TTC38: variants seen among roughly 807,000 people sequenced by gnomAD.
TTC38 encodes the protein tetratricopeptide repeat protein 38.
TTC38 carries 64 observed loss-of-function variants against 64.2 expected under a neutral mutation model. That is an observed-to-expected ratio of 1.00 (90% confidence interval 0.81 to 1.23). The LOEUF (loss-of-function observed/expected upper bound fraction) is 1.23, where lower values mean the gene tolerates loss of function less well. Among genes scored for constraint, TTC38 ranks in the 50% most tolerant of loss-of-function variants. The pLI, the probability that TTC38 is intolerant of heterozygous loss-of-function variation, is 0.00. For missense variants in TTC38, 573 were observed against 615.5 expected (o/e 0.93, Z 0.73); for synonymous variants, 254 against 249.3 (o/e 1.02, Z -0.18).
chr22:46,268,643 G>C (rs1384042279), intron 2 of TTC38, 52 bp downstream of exon 2: 2 of 1,547,898 alleles, frequency 1.3e-6, no homozygotes, highest in South Asian at 2.2e-5. Flanking sequence ...CTAGGGGAAG[G>C]TTTTTTAATT....
intron 5 of TTC38, among the ~76,000 whole-genome samples, chr22:46,277,765 C>A (rs1004789975): frequency 2.0e-5 from 3 of 152,194 alleles, no homozygotes; most frequent in Admixed American, 6.5e-5. Flanking sequence ...CGGCCATTCA[C>A]TGAGTGCATT....
chr22:46,269,949 T>A (rs1473710882), intron 2 of TTC38, among the ~76,000 whole-genome samples: 1 of 152,188 alleles, frequency 6.6e-6, no homozygotes, highest in Non-Finnish European at 1.5e-5. Flanking sequence ...CGCACCATCA[T>A]ACCCAGCTGA....
At chr22:46,268,094 C>G in intron 1 of TTC38, 22 bp downstream of exon 1, 1 of 1,536,516 alleles carries the variant, frequency 6.5e-7, no homozygotes. Context: ...CTGCCCCCAA[C>G]CAGGTCCCCC....
At position 46,273,902 on chromosome 22, in the gene TTC38, G is replaced by A; in HGVS notation, c.198G>A (p.Met66Ile). ...CGTTCTCTAACCTCCCACCAGTGATGGGCCACGCCATGGCTACTGGCCTTG... is the reference window on the plus strand; with the variant it reads ...CGTTCTCTAACCTCCCACCAGTGATAGGCCACGCCATGGCTACTGGCCTTG... ...KLKAADPTFV[M>I]GHAMATGLVL... The change falls in exon 4 of 14, where the codon ATG becomes ATA. Residue 66 changes from methionine (M) to isoleucine (I), a missense_variant. This residue lies in a region of TTC38 where 134 missense variants were observed against 126.5 expected (regional missense o/e 1.06). Transcript: ENST00000381031. This position sits in a 1 kb window ranked among gnomAD's most constrained non-coding sequence, Gnocchi z 5.1. 1 of 1,614,154 alleles carries A rather than the reference G, an allele frequency of 6.2e-7. No homozygotes were observed. The highest frequency in any genetic ancestry group is 8.5e-7 in the Non-Finnish European group (1 of 1,180,010).
chr22:46,277,997 C>T (rs557814393), intron 5 of TTC38, among the ~76,000 whole-genome samples: 80 of 152,208 alleles, frequency 5.3e-4, no homozygotes, highest in Admixed American at 9.2e-4. Context: ...GGCCGCTCTC[C>T]GTGCTGGGCT....
intron 13 of TTC38, among the ~76,000 whole-genome samples, chr22:46,290,451 C>A (rs996116454): frequency 7.5e-6 from 1 of 133,914 alleles, no homozygotes; most frequent in African/African-American, 2.5e-5. Flanking sequence ...TTTAGCCAGG[C>A]CAGGCATGGG....
rs759095364 is a variant in TTC38, at chr22:46,271,371, C to T, written c.112-964C>T. ...GGGATTACAGGCGCCCACCACCACA[C>T]CCGGCTGATTTTTTGTATCTTTAGT... On this transcript the variant is annotated intron_variant, in intron 2 of 13. Coordinates refer to ENST00000381031, the MANE Select transcript of TTC38 (RefSeq NM_017931.4). This position sits in a 1 kb window ranked among gnomAD's most constrained non-coding sequence, Gnocchi z 5.5. Among the ~76,000 whole-genome samples, 99 of 152,048 alleles carry T rather than the reference C, an allele frequency of 6.5e-4. 1 individual carries two copies. The highest frequency in any genetic ancestry group is 3.3e-4 in the Admixed American group (5 of 15,266).
chr22:46,268,673 TTTTG>T, intron 2 of TTC38, 82 bp downstream of exon 2: 1 of 1,100,240 alleles, frequency 9.1e-7, no homozygotes, highest in South Asian at 1.3e-5. Flanking sequence ...TGTTTTTTTG[TTTTG>T]TTTTGTTTTG....
At position 46,292,794 on chromosome 22, in the gene TTC38, C is replaced by T. The variant is rs772679176; in HGVS notation, c.1320C>T (p.Ser440=). ...ACCTCTGTGTCTGTTTCCACAGGAG[C>T]CTTCTGATGGAGCGTGATGCCTTGA... ...TSSVHKNVAR[S]LLMERDALKP... is the part of the protein sequence containing the mutation. The change falls in exon 14 of 14, where the codon AGC becomes AGT. Residue 440 remains serine, a synonymous_variant. Transcript: ENST00000381031. The surrounding 1 kb of genome is among the most constrained non-coding windows in gnomAD (Gnocchi z 6.5). The T allele has an allele frequency of 6.2e-7, 1 of 1,613,642 alleles. No individual in the cohort carries two copies. The highest frequency in any genetic ancestry group is 8.5e-7 in the Non-Finnish European group (1 of 1,179,594).
At chr22:46,285,191 T>G (rs1212818999) in intron 8 of TTC38, 50 bp from the exon 9 acceptor site, 1 of 1,582,028 alleles carries the variant, frequency 6.3e-7, no homozygotes, top group Non-Finnish European at 8.7e-7. Context: ...CGTGCCAGCA[T>G]TACACTTTGC....
In TTC38 at chr22:46,289,490, C is replaced by G; in HGVS notation, c.1171C>G (p.Pro391Ala). 6.2e-7 allele frequency: 1 copy of G among 1,608,860 alleles called. No homozygotes were observed. The stretch of plus-strand genomic sequence containing the variant: ...CCTGGTGGAGGCTGAGGACGGGAAC[C>G]CTGACCGCGTCCTGGAGCTGCTCCT... The part of the protein sequence containing the change: ...QALVEAEDGN[P>A]DRVLELLLPI... Residue 391 changes from proline (P) to alanine (A), a missense_variant, in exon 12 of 14, where the codon CCT becomes GCT. By Grantham distance (27) the Pro-to-Ala change is conservative (BLOSUM62 -1). Around this residue, in one of 3 missense-constraint regions of TTC38, gnomAD observed 371 missense variants for 381.8 expected, o/e 0.97. Coordinates refer to ENST00000381031, the MANE Select transcript of TTC38 (RefSeq NM_017931.4).
At chr22:46,285,430 T>C in intron 9 of TTC38, 151 bp downstream of exon 9, 3 of 787,454 alleles carry the variant, frequency 3.8e-6, no homozygotes, top group Non-Finnish European at 6.6e-6. Flanking sequence ...ATGGGGTTAA[T>C]TTTGCCAAGA....
chr22:46,268,014 C>G lies in TTC38; in HGVS notation c.-26C>G, dbSNP rs767278372. ...CAGGAAGGCCCGGGTGCCCAGAGCT[C>G]GCGGTGGACTCCGACCCGGCGCAAC... On this transcript the variant is annotated 5_prime_UTR_variant, in exon 1 of 14. Coordinates refer to ENST00000381031, the MANE Select transcript of TTC38 (RefSeq NM_017931.4). The G allele has an allele frequency of 1.1e-5, 17 of 1,528,906 alleles. 1 individual carries two copies. Among genetic ancestry groups the G allele is most frequent in the Middle Eastern group, 2.0e-4 (1 of 4,888 alleles). 94.7% of individuals were successfully genotyped at this position (1,528,906 alleles called of 1,614,324 possible).
chr22:46,282,084 G>C lies in TTC38; in HGVS notation c.735+366G>C, dbSNP rs758635528. ...AAGCATTAAACTCAACTGGGCTTGG[G>C]GGGACAGTGGCTAGGGAAGGCATCC... On this transcript the variant is annotated intron_variant, in intron 7 of 13. Coordinates refer to ENST00000381031, the MANE Select transcript of TTC38 (RefSeq NM_017931.4). The surrounding 1 kb of genome is among the most constrained non-coding windows in gnomAD (Gnocchi z 4.4). 5.8e-5 allele frequency: 25 copies of C among 428,118 alleles called. 1 individual carries two copies. The Middle Eastern group carries it at 3.5e-3, about 60-fold the overall frequency. 26.5% of individuals were successfully genotyped at this position (428,118 alleles called of 1,614,324 possible).
At position 46,281,484 on chromosome 22, in the gene TTC38, T is replaced by A; in HGVS notation, c.616-115T>A. The A allele has an allele frequency of 8.9e-7, 1 of 1,127,972 alleles. No homozygotes were observed. 69.9% of individuals were successfully genotyped at this position (1,127,972 alleles called of 1,614,324 possible). A position where few individuals can be genotyped will look rare whatever the true frequency, so the allele number is the denominator to read the frequency against. ...TGAGTCAGAGCCCCGCCCCCCCACT[T>A]GCTCCACCCCGTTCAGCCCAGGCCC... On this transcript the variant is annotated intron_variant, in intron 6 of 13. Coordinates refer to ENST00000381031, the MANE Select transcript of TTC38 (RefSeq NM_017931.4). This position sits in a 1 kb window ranked among gnomAD's most constrained non-coding sequence, Gnocchi z 5.2.
In TTC38 at chr22:46,282,194, C is replaced by G. The variant is rs751991225; in HGVS notation, c.735+476C>G. 3.0e-6 allele frequency: 1 copy of G among 329,848 alleles called. No individual in the cohort carries two copies. Among genetic ancestry groups the G allele is most frequent in the African/African-American group, 2.2e-5 (1 of 46,108 alleles). The allele number at this position is 329,848 out of a possible 1,614,324, so 20.4% of individuals were successfully genotyped here. On this transcript the variant is annotated intron_variant, in intron 7 of 13. Coordinates refer to ENST00000381031, the MANE Select transcript of TTC38 (RefSeq NM_017931.4). The surrounding 1 kb of genome is among the most constrained non-coding windows in gnomAD (Gnocchi z 4.4). ...GGGGAAGATGGAGGGCATCCTAGCCCGTCACTAGCTTGAGCAAGGCCTCCA... is the reference window on the plus strand; with the variant it reads ...GGGGAAGATGGAGGGCATCCTAGCCGGTCACTAGCTTGAGCAAGGCCTCCA...
At chr22:46,286,768 C>T (rs1471925903) in intron 9 of TTC38, among the ~76,000 whole-genome samples, 2 of 152,214 alleles carry the variant, frequency 1.3e-5, no homozygotes, top group African/African-American at 4.8e-5. Context: ...GGCAGACAGC[C>T]CTCCCACCAG....
In TTC38 at chr22:46,289,484, G is replaced by C; in HGVS notation, c.1165G>C (p.Gly389Arg). 6.2e-7 allele frequency: 1 copy of C among 1,609,042 alleles called. No individual in the cohort carries two copies. ...CCAGGCCCTGGTGGAGGCTGAGGAC[G>C]GGAACCCTGACCGCGTCCTGGAGCT... ...LCQALVEAED[G>R]NPDRVLELLL... The change falls in exon 12 of 14, where the codon GGG becomes CGG. Residue 389 changes from glycine (G) to arginine (R), a missense_variant. Gly to Arg is a moderately radical substitution (Grantham distance 125, BLOSUM62 -2). Coordinates refer to ENST00000381031, the MANE Select transcript of TTC38 (RefSeq NM_017931.4).
Position 46,281,622 on chromosome 22 carries a change from C to CGCAT in TTC38, c.641_644dup (p.Trp215CysfsTer35). ...AGGCTTTATCTATTAACCCGACAGA[C>CGCAT]GCATGGTCGGTGCACACCGTCGCTC... On this transcript the variant is annotated frameshift_variant, in exon 7 of 14. Coordinates refer to ENST00000381031, the MANE Select transcript of TTC38 (RefSeq NM_017931.4). LOFTEE classifies it high-confidence loss of function. The surrounding 1 kb of genome is among the most constrained non-coding windows in gnomAD (Gnocchi z 5.2). 6.2e-7 allele frequency: 1 copy of CGCAT among 1,614,160 alleles called. No individual in the cohort carries two copies. The highest frequency in any genetic ancestry group is 1.7e-5 in the Admixed American group (1 of 60,022).
Sources: gnomAD v4.1 joint callset for allele counts (sites outside exome capture counted in the v4.1 genomes callset) on GRCh38, gnomAD v4.1.1 for gene constraint, gnomAD v4.1.1 regional missense constraint, Gnocchi (gnomAD v3.1) non-coding constraint, MANE v1.5 for transcripts, NCBI Gene and HGNC (gene_info 2026-07-23, HGNC 2026-07-21) for gene names.